SRC: variants seen among roughly 807,000 people sequenced by gnomAD.
SRC encodes the protein proto-oncogene tyrosine-protein kinase Src.
A neutral mutation model predicts 62.9 loss-of-function variants in SRC; 13 were observed. The observed-to-expected ratio is 0.21, with a 90% CI of 0.13 to 0.33. SRC has a LOEUF of 0.33. SRC is among the 10% of genes least tolerant of loss of function. The pLI is 1.00. For missense variants in SRC, 457 were observed against 737.3 expected (o/e 0.62, Z 4.40); for synonymous variants, 302 against 317.5 (o/e 0.95, Z 0.52).
intron 7 of SRC, among the ~76,000 whole-genome samples, chr20:37,395,623 C>G (rs1026627916): frequency 6.6e-6 from 1 of 152,250 alleles, no homozygotes; most frequent in African/African-American, 2.4e-5. Flanking sequence ...GCCAACCACC[C>G]CCTCCCGCCT....
chr20:37,385,978 G>A, intron 4 of SRC, 97 bp from the exon 5 acceptor site: 1 of 939,102 alleles, frequency 1.1e-6, no homozygotes, highest in East Asian at 2.4e-5. Context: ...CTTGCGTGTG[G>A]GAGACAAATC....
chr20:37,394,827 A>T (rs1327899895), intron 7 of SRC, among the ~76,000 whole-genome samples: 2 of 152,062 alleles, frequency 1.3e-5, no homozygotes, highest in Non-Finnish European at 1.5e-5. Context: ...TCAGCGGGAG[A>T]TGGGAAGCAG....
At chr20:37,367,134 G>A (rs2070075948) in intron 2 of SRC, among the ~76,000 whole-genome samples, 2 of 133,512 alleles carry the variant, frequency 1.5e-5, no homozygotes, top group Admixed American at 1.6e-4. Context: ...GTCTCACTCT[G>A]TTGCCAAGGC....
intron 5 of SRC, 50 bp downstream of exon 5, chr20:37,386,224 A>T (rs1282257330): frequency 6.4e-7 from 1 of 1,554,640 alleles, no homozygotes; most frequent in Non-Finnish European, 8.9e-7. Context: ...GTGGGACTTC[A>T]AAGCGGGCAG....
At chr20:37,394,367 G>A (rs2070604746) in intron 7 of SRC, 90 bp downstream of exon 7, 5 of 1,170,174 alleles carry the variant, frequency 4.3e-6, no homozygotes, top group Admixed American at 1.8e-5. Flanking sequence ...TTTGGTTTGT[G>A]GAGTAGGGAG....
intron 5 of SRC, among the ~76,000 whole-genome samples, chr20:37,392,066 G>T (rs149004721): frequency 0.012 from 1,837 of 151,722 alleles, 35 homozygotes; most frequent in African/African-American, 0.043. Flanking sequence ...GGGGATTTGG[G>T]GCATCCAAAG....
chr20:37,378,577 TA>T (rs1324825769), intron 2 of SRC, among the ~76,000 whole-genome samples: 1 of 152,184 alleles, frequency 6.6e-6, no homozygotes. Context: ...TGGGGTCTCT[TA>T]TCAGGCCACT....
Position 37,346,262 on chromosome 20 carries a change from GCCCCCCGCCCCTCCGCGGA to G in SRC, c.-247+19_-247+37del, listed in dbSNP as rs2069716729. The G allele has an allele frequency of 6.7e-6, 1 of 148,824 alleles. No individual in the cohort carries two copies. The allele number at this position is 148,824 out of a possible 1,614,324, so 9.2% of individuals were successfully genotyped here. Reference sequence around the variant, plus strand: ...CGCCCGCCCGCCGGCCCAGGTGAGCGCCCCCCGCCCCTCCGCGGACCCCCCGCCCCGGCCAGCGCGGGGG... The same window carrying G: ...CGCCCGCCCGCCGGCCCAGGTGAGCGCCCCCCGCCCCGGCCAGCGCGGGGG... On this transcript the variant is annotated splice_region_variant and intron_variant, in intron 1 of 13. Coordinates refer to ENST00000373578, the MANE Select transcript of SRC (RefSeq NM_198291.3).
At chr20:37,373,408 C>T (rs1335167364) in intron 2 of SRC, among the ~76,000 whole-genome samples, 3 of 142,904 alleles carry the variant, frequency 2.1e-5, no homozygotes, top group African/African-American at 5.7e-5. Flanking sequence ...TATATATACG[C>T]ATATATACGC....
intron 2 of SRC, among the ~76,000 whole-genome samples, chr20:37,373,404 TAC>T (rs1278151171): frequency 1.3e-5 from 2 of 149,356 alleles, no homozygotes; most frequent in Non-Finnish European, 3.0e-5. Flanking sequence ...TGCGTATATA[TAC>T]GCATATATAC....
Position 37,384,013 on chromosome 20 carries a change from G to C in SRC, c.-4-137G>C, listed in dbSNP as rs1321986469. The C allele has an allele frequency of 6.7e-6, 8 of 1,198,874 alleles. No homozygotes were observed. The East Asian group carries it at 2.1e-4, about 32-fold the overall frequency. The allele number at this position is 1,198,874 out of a possible 1,614,324, so 74.3% of individuals were successfully genotyped here. On this transcript the variant is annotated intron_variant, in intron 3 of 13. Coordinates refer to ENST00000373578, the MANE Select transcript of SRC (RefSeq NM_198291.3). This position sits in a 1 kb window ranked among gnomAD's most constrained non-coding sequence, Gnocchi z 6.7. The stretch of plus-strand genomic sequence containing the variant: ...GGCCTCCCAAAGTGCTGGGATTACA[G>C]GCGTGAGCCACCGCGCCCGGCCCTG...
In SRC at chr20:37,393,879, T is replaced by C; in HGVS notation, c.351-16T>C. 1.3e-6 allele frequency: 2 copies of C among 1,599,898 alleles called. No individual in the cohort carries two copies. The highest frequency in any genetic ancestry group is 1.7e-6 in the Non-Finnish European group (2 of 1,167,440). ...GGCTCCCTTCTCCTTTCCTCCCTCC[T>C]TCTGTCCCTGCTCAGAGAGGGAGAC... On this transcript the variant is annotated splice_polypyrimidine_tract_variant and intron_variant, in intron 5 of 13. Transcript: ENST00000373578.
chr20:37,349,642 C>T (rs1056666623), intron 1 of SRC, among the ~76,000 whole-genome samples: 3 of 152,206 alleles, frequency 2.0e-5, no homozygotes, highest in Non-Finnish European at 4.4e-5. Context: ...GGTCACTCGG[C>T]CTCTCTGGGT....
chr20:37,368,886 A>G (rs1390995654), intron 2 of SRC, among the ~76,000 whole-genome samples: 1 of 151,130 alleles, frequency 6.6e-6, no homozygotes, highest in African/African-American at 2.4e-5. Context: ...TTTTATTTTT[A>G]CCTCTTTCAT....
At chr20:37,363,915 C>T (rs1183071202) in intron 1 of SRC, among the ~76,000 whole-genome samples, 1 of 152,058 alleles carries the variant, frequency 6.6e-6, no homozygotes, top group East Asian at 1.9e-4. Context: ...GAGCGTGGTG[C>T]ATGGCAGGTG....
chr20:37,354,477 GGACT>G (rs2069851353), intron 1 of SRC, among the ~76,000 whole-genome samples: 1 of 152,222 alleles, frequency 6.6e-6, no homozygotes, highest in Non-Finnish European at 1.5e-5. Flanking sequence ...CGGACTTCCA[GGACT>G]CAATTTTCTC....
intron 5 of SRC, among the ~76,000 whole-genome samples, chr20:37,388,309 C>T (rs1168944776): frequency 3.3e-5 from 5 of 152,030 alleles, no homozygotes; most frequent in Non-Finnish European, 5.9e-5. Flanking sequence ...GAGGTTTGGC[C>T]AGGAGGCTGG....
upstream of SRC, among the ~76,000 whole-genome samples, chr20:37,345,841 G>T (rs1367232298): frequency 2.0e-5 from 3 of 152,162 alleles, no homozygotes; most frequent in Admixed American, 2.0e-4. Flanking sequence ...ATTTTGGCCT[G>T]GGGGCGGATG....
chr20:37,371,322 T>G (rs1043202024), intron 2 of SRC, among the ~76,000 whole-genome samples: 8 of 152,130 alleles, frequency 5.3e-5, no homozygotes, highest in African/African-American at 1.9e-4. Context: ...ATAATTTGTG[T>G]TTTTTTCCTA....
Sources: allele counts gnomAD v4.1 joint callset (sites outside exome capture counted in the v4.1 genomes callset), GRCh38; gene constraint gnomAD v4.1.1; non-coding constraint Gnocchi (gnomAD v3.1); transcripts MANE v1.5; gene names NCBI Gene and HGNC (gene_info 2026-07-23, HGNC 2026-07-21).